The following CLSTN2 variants were observed in gnomAD, a reference collection of about 807,000 sequenced individuals.
CLSTN2 encodes calsyntenin 2.
A neutral mutation model predicts 101.2 loss-of-function variants in CLSTN2; 48 were observed. The observed-to-expected ratio is 0.47, with a 90% CI of 0.38 to 0.60. The LOEUF is 0.60. Ranked by LOEUF, CLSTN2 falls within the 20% of genes least tolerant of loss-of-function variation. CLSTN2 has a pLI of 0.00. For missense variants in CLSTN2, 1,160 were observed against 1,238.2 expected, an observed-to-expected ratio of 0.94 and a Z score of 0.95; for synonymous variants, 481 against 463.6, an observed-to-expected ratio of 1.04 and a Z score of -0.48.
intron 2 of CLSTN2, among the ~76,000 whole-genome samples, chr3:140,354,304 T>A (rs1159182997): frequency 6.6e-6 from 1 of 152,196 alleles, no homozygotes; most frequent in Non-Finnish European, 1.5e-5. Flanking sequence ...CACCTCCTGT[T>A]TGTTTATCAA....
chr3:139,988,271 C>A (rs1326612309), intron 1 of CLSTN2, among the ~76,000 whole-genome samples: 3 of 152,108 alleles, frequency 2.0e-5, no homozygotes, highest in African/African-American at 7.2e-5. Flanking sequence ...CTTTAAATTT[C>A]ATACATTAAA....
chr3:140,295,544 T>C (rs774940149), intron 2 of CLSTN2, among the ~76,000 whole-genome samples: 1 of 152,186 alleles, frequency 6.6e-6, no homozygotes, highest in Non-Finnish European at 1.5e-5. Flanking sequence ...TGGTTTAAAG[T>C]GATATAAAGT....
chr3:140,371,746 C>T (rs557948020), intron 2 of CLSTN2, among the ~76,000 whole-genome samples: 1 of 152,200 alleles, frequency 6.6e-6, no homozygotes, highest in Admixed American at 6.5e-5. Context: ...CTCTACCAAA[C>T]CAGTTATGGT....
intron 2 of CLSTN2, among the ~76,000 whole-genome samples, chr3:140,368,846 T>G (rs970764039): frequency 6.6e-6 from 1 of 152,244 alleles, no homozygotes; most frequent in East Asian, 1.9e-4. Context: ...AGCATACTAT[T>G]CATTTTATGT....
chr3:140,202,796 GA>G (rs1188079328), intron 2 of CLSTN2, among the ~76,000 whole-genome samples: 1 of 152,178 alleles, frequency 6.6e-6, no homozygotes, highest in Non-Finnish European at 1.5e-5. Flanking sequence ...AGACAGTATA[GA>G]AGGAGCGTGG....
intron 1 of CLSTN2, among the ~76,000 whole-genome samples, chr3:140,172,011 C>G (rs943279360): frequency 9.5e-5 from 14 of 148,104 alleles, no homozygotes; most frequent in Admixed American, 2.8e-4. Flanking sequence ...GGGAAAGTTA[C>G]GCTTTGTGGA....
intron 2 of CLSTN2, among the ~76,000 whole-genome samples, chr3:140,251,088 C>T (rs1020950502): frequency 6.6e-6 from 1 of 152,124 alleles, no homozygotes; most frequent in Non-Finnish European, 1.5e-5. Flanking sequence ...GAGTAGTTGC[C>T]TCTGTGAATG....
At chr3:139,981,724 G>T (rs1207415489) in intron 1 of CLSTN2, among the ~76,000 whole-genome samples, 10 of 152,204 alleles carry the variant, frequency 6.6e-5, no homozygotes. Flanking sequence ...GAGGCAAGGT[G>T]GTTGGTTGCC....
chr3:140,194,280 G>T (rs986063481), intron 2 of CLSTN2, among the ~76,000 whole-genome samples: 7 of 152,050 alleles, frequency 4.6e-5, no homozygotes, highest in African/African-American at 1.4e-4. Context: ...TTTTCACTGT[G>T]TCCTTACATG....
intron 8 of CLSTN2, among the ~76,000 whole-genome samples, chr3:140,490,143 C>T (rs868571813): frequency 1.1e-4 from 12 of 111,410 alleles, no homozygotes; most frequent in African/African-American, 4.7e-4. Flanking sequence ...CACACACACA[C>T]ACACACACAC....
chr3:140,282,666 G>C (rs1407875878), intron 2 of CLSTN2, among the ~76,000 whole-genome samples: 1 of 151,990 alleles, frequency 6.6e-6, no homozygotes, highest in African/African-American at 2.4e-5. Context: ...CTTCTTGGAG[G>C]GTACTATTAT....
chr3:140,253,288 C>A (rs1054132394), intron 2 of CLSTN2, among the ~76,000 whole-genome samples: 9 of 152,096 alleles, frequency 5.9e-5, no homozygotes, highest in Admixed American at 2.6e-4. Flanking sequence ...TTGGGTCCTG[C>A]TGCGGTCACT....
intron 8 of CLSTN2, among the ~76,000 whole-genome samples, chr3:140,494,628 CA>C (rs975773627): frequency 3.3e-5 from 5 of 152,280 alleles, no homozygotes; most frequent in Admixed American, 3.3e-4. Flanking sequence ...ACCTCACCCC[CA>C]ACAGGTCCCA....
chr3:140,349,952 A>T lies in CLSTN2; in HGVS notation c.233-53677A>T, dbSNP rs116087954. 7.9e-3 allele frequency among the ~76,000 whole-genome samples: 1,205 copies of T among 152,108 alleles called. 12 individuals carry two copies. Among genetic ancestry groups the T allele is most frequent in the African/African-American group, 0.027 (1,136 of 41,492 alleles). ...CACCTCTGACATCCTCCCCTCCACC[A>T]CCTTGTTGACATCTCTCATAGATTG... On this transcript the variant is annotated intron_variant, in intron 2 of 16. Coordinates refer to ENST00000458420, the MANE Select transcript of CLSTN2 (RefSeq NM_022131.3).
chr3:140,226,060 T>C (rs2086317027), intron 2 of CLSTN2, among the ~76,000 whole-genome samples: 1 of 152,216 alleles, frequency 6.6e-6, no homozygotes, highest in Non-Finnish European at 1.5e-5. Context: ...TAACTGTTGA[T>C]ATATACAACC....
chr3:139,969,844 C>T (rs539146248), intron 1 of CLSTN2, among the ~76,000 whole-genome samples: 39 of 152,236 alleles, frequency 2.6e-4, no homozygotes, highest in African/African-American at 9.4e-4. Context: ...CCCTGTACCC[C>T]TTTGGACCCA....
At chr3:140,485,570 C>T (rs1934221170) in intron 8 of CLSTN2, among the ~76,000 whole-genome samples, 1 of 152,166 alleles carries the variant, frequency 6.6e-6, no homozygotes, top group African/African-American at 2.4e-5. Context: ...TCTACAGTGG[C>T]AGGCAGGCCT....
chr3:140,427,193 ATATATATATATGTGT>A (rs2088577370), intron 5 of CLSTN2, among the ~76,000 whole-genome samples: 1 of 83,746 alleles, frequency 1.2e-5, no homozygotes, highest in African/African-American at 7.1e-5. Context: ...AAATATATAT[ATATATATATATGTGT>A]ATATATATAT....
chr3:140,209,435 A>G (rs76059888), intron 2 of CLSTN2, among the ~76,000 whole-genome samples: 1 of 152,148 alleles, frequency 6.6e-6, no homozygotes, highest in South Asian at 2.1e-4. Context: ...TTTCCATTTC[A>G]TTGGTGCGAG....
Sources: allele counts gnomAD v4.1 joint callset (sites outside exome capture counted in the v4.1 genomes callset), GRCh38; gene constraint gnomAD v4.1.1; transcripts MANE v1.5; gene names NCBI Gene and HGNC (gene_info 2026-07-23, HGNC 2026-07-21).